SOBP: variants seen among roughly 807,000 people sequenced by gnomAD.
SOBP encodes the protein sine oculis binding protein homolog.
In SOBP, 4 loss-of-function variants were observed where a neutral mutation model predicts 53.6. The ratio of observed to expected loss-of-function variants is 0.07; its 90% CI spans 0.04 to 0.17. The LOEUF (loss-of-function observed/expected upper bound fraction) is 0.17. SOBP is among the 10% of genes least tolerant of loss of function. The pLI is 1.00. For missense variants in SOBP, 1,088 were observed against 1,204.7 expected (o/e 0.90, Z 1.43); for synonymous variants, 584 against 522.6 (o/e 1.12, Z -1.60).
chr6:107,640,720 A>C (rs566252261), intron 6 of SOBP, among the ~76,000 whole-genome samples: 7 of 152,362 alleles, frequency 4.6e-5, no homozygotes, highest in African/African-American at 1.7e-4. Context: ...TATGATGTCA[A>C]TCAGGTTATG....
intron 4 of SOBP, among the ~76,000 whole-genome samples, chr6:107,573,141 C>T (rs1785124938): frequency 6.6e-6 from 1 of 152,148 alleles, no homozygotes; most frequent in South Asian, 2.1e-4. Flanking sequence ...TCGTTAAGTA[C>T]TGATTGTGTC....
At chr6:107,588,837 T>C (rs1785654143) in intron 5 of SOBP, among the ~76,000 whole-genome samples, 1 of 152,242 alleles carries the variant, frequency 6.6e-6, no homozygotes, top group South Asian at 2.1e-4. Context: ...TTGAGCAATT[T>C]GGTACAATCT....
At chr6:107,561,599 C>T (rs946980080) in intron 4 of SOBP, among the ~76,000 whole-genome samples, 6 of 152,168 alleles carry the variant, frequency 3.9e-5, no homozygotes, top group Admixed American at 2.6e-4. Context: ...TGTGCTTGTG[C>T]GCAGCTGCCT....
chr6:107,595,350 C>CTT (rs745477007), intron 5 of SOBP, among the ~76,000 whole-genome samples: 947 of 88,080 alleles, frequency 0.011, 39 homozygotes, highest in African/African-American at 0.032. Flanking sequence ...GATTTTGATC[C>CTT]TTTTTTTTTT....
chr6:107,628,452 C>T lies in SOBP; in HGVS notation c.670-5062C>T, dbSNP rs76932771. Among the ~76,000 whole-genome samples, 799 of 152,290 alleles carry T rather than the reference C, an allele frequency of 5.2e-3. 11 individuals carry two copies. Among genetic ancestry groups the T allele is most frequent in the African/African-American group, 0.018 (764 of 41,538 alleles). On this transcript the variant is annotated intron_variant, in intron 5 of 6. Coordinates refer to ENST00000317357, the MANE Select transcript of SOBP (RefSeq NM_018013.4). ...AACGTGCCCTGTTTTATCTCAAAGACACACAGGCTCATAGGAAAGCAGTGG... is the reference window on the plus strand; with the variant it reads ...AACGTGCCCTGTTTTATCTCAAAGATACACAGGCTCATAGGAAAGCAGTGG...
At chr6:107,643,342 G>T (rs994744085) in intron 6 of SOBP, among the ~76,000 whole-genome samples, 8 of 152,138 alleles carry the variant, frequency 5.3e-5, no homozygotes, top group African/African-American at 1.7e-4. Flanking sequence ...AGCACATGTG[G>T]TTACATGTAA....
rs112737766 is a variant in SOBP at position 107,553,243 on chromosome 6, C to G, written c.573+19633C>G. On this transcript the variant is annotated intron_variant, in intron 4 of 6. Transcript: ENST00000317357. Reference sequence around the variant, plus strand: ...ATACACATGCACAGAGAATTTCACACATAATTTCATGGGGTTCATGGACTT... The same window carrying G: ...ATACACATGCACAGAGAATTTCACAGATAATTTCATGGGGTTCATGGACTT... Among the ~76,000 whole-genome samples, 16 of 151,894 alleles carry G rather than the reference C, an allele frequency of 1.1e-4. 3 individuals carry two copies. The highest frequency in any genetic ancestry group is 3.6e-4 in the African/African-American group (15 of 41,522).
At chr6:107,657,725 C>T (rs2114259779) in intron 6 of SOBP, among the ~76,000 whole-genome samples, 1 of 152,032 alleles carries the variant, frequency 6.6e-6, no homozygotes, top group African/African-American at 2.4e-5. Context: ...TGCCTGTAAT[C>T]CCAGCACTTT....
At chr6:107,650,491 G>T (rs191263148) in intron 6 of SOBP, among the ~76,000 whole-genome samples, 23 of 152,266 alleles carry the variant, frequency 1.5e-4, no homozygotes, top group African/African-American at 5.1e-4. Context: ...TTATGTCTCT[G>T]TGTCACATTT....
chr6:107,652,459 G>A (rs745889678), intron 6 of SOBP, among the ~76,000 whole-genome samples: 2 of 152,220 alleles, frequency 1.3e-5, no homozygotes, highest in Non-Finnish European at 2.9e-5. Flanking sequence ...CAGATGAGGA[G>A]TTGCTTCTTA....
rs576013754 is a variant in SOBP at position 107,635,522 on chromosome 6, C to A, written c.*3+53C>A. The A allele has an allele frequency of 3.7e-6, 6 of 1,604,102 alleles. No homozygotes were observed. In the Admixed American group the frequency reaches 8.3e-5, roughly 22 times the overall value. On this transcript the variant is annotated intron_variant, in intron 6 of 6. Coordinates refer to ENST00000317357, the MANE Select transcript of SOBP (RefSeq NM_018013.4). This position sits in a 1 kb window ranked among gnomAD's most constrained non-coding sequence, Gnocchi z 4.5. ...ACACCAGCCAGTGCACCTCTCCTTA[C>A]TTCTGACAAGGCAGAGGGGAGAGTT...
rs1466029105 is a variant in SOBP, at chr6:107,490,472, C to T, written c.-145C>T. The T allele has an allele frequency of 1.8e-5, 11 of 615,130 alleles. No individual in the cohort carries two copies. In the African/African-American group the frequency reaches 2.1e-4, roughly 12 times the overall value. The allele number at this position is 615,130 out of a possible 1,614,324, so 38.1% of individuals were successfully genotyped here. On this transcript the variant is annotated 5_prime_UTR_variant, in exon 1 of 7. Transcript: ENST00000317357. ...GCTTCTCGGCGCCTGCCCTCCCCCT[C>T]GCGGCTCGGTCCGGCCCCGCCAGCA...
At chr6:107,655,655 C>A (rs967616601) in intron 6 of SOBP, among the ~76,000 whole-genome samples, 9 of 152,102 alleles carry the variant, frequency 5.9e-5, no homozygotes, top group Admixed American at 5.2e-4. Context: ...ATTTACCAGA[C>A]AATAATAGAT....
chr6:107,656,606 G>A (rs1207836861), intron 6 of SOBP, among the ~76,000 whole-genome samples: 1 of 152,196 alleles, frequency 6.6e-6, no homozygotes. Flanking sequence ...TTCAAACCTT[G>A]TTTTTGGCTG....
intron 4 of SOBP, among the ~76,000 whole-genome samples, chr6:107,559,537 C>T (rs942555826): frequency 6.6e-6 from 1 of 152,188 alleles, no homozygotes; most frequent in African/African-American, 2.4e-5. Flanking sequence ...ACCACGTTCG[C>T]CTAGTCCTGT....
At chr6:107,591,974 T>G (rs1454691680) in intron 5 of SOBP, among the ~76,000 whole-genome samples, 8 of 89,166 alleles carry the variant, frequency 9.0e-5, no homozygotes, top group Non-Finnish European at 1.4e-4. Flanking sequence ...TGGTGTTTTT[T>G]TTTTTTTTTT....
intron 4 of SOBP, among the ~76,000 whole-genome samples, chr6:107,572,762 G>A (rs1311507272): frequency 1.3e-5 from 2 of 152,154 alleles, no homozygotes; most frequent in Non-Finnish European, 2.9e-5. Flanking sequence ...CACTGAGCAC[G>A]TAAATCAGCA....
rs748118923 is a variant in SOBP at position 107,634,449 on chromosome 6, G to GCCCATC, written c.1620_1625dup (p.Ile543_Pro544dup). The GCCCATC allele has an allele frequency of 1.7e-5, 27 of 1,609,462 alleles. No individual in the cohort carries two copies. The highest frequency in any genetic ancestry group is 2.7e-5 in the African/African-American group (2 of 74,858). On this transcript the variant is annotated inframe_insertion, in exon 6 of 7. Transcript: ENST00000317357. This position sits in a 1 kb window ranked among gnomAD's most constrained non-coding sequence, Gnocchi z 4.5. ...ACCCCGTGATCGTGCCCCTACCGGT[G>GCCCATC]CCCATCCCCATCCCCATCCCTATCC...
At chr6:107,625,647 G>A (rs1395205172) in intron 5 of SOBP, among the ~76,000 whole-genome samples, 2 of 152,232 alleles carry the variant, frequency 1.3e-5, no homozygotes, top group East Asian at 3.8e-4. Context: ...TCACCAGGGT[G>A]AGATACAACC....
Sources: gnomAD v4.1 joint callset for allele counts (sites outside exome capture counted in the v4.1 genomes callset) on GRCh38, gnomAD v4.1.1 for gene constraint, Gnocchi (gnomAD v3.1) non-coding constraint, MANE v1.5 for transcripts, NCBI Gene and HGNC (gene_info 2026-07-23, HGNC 2026-07-21) for gene names.